KCNAB1: variants seen among roughly 807,000 people sequenced by gnomAD.
The protein encoded by KCNAB1 is potassium voltage-gated channel subfamily A regulatory beta subunit 1.
KCNAB1 carries 35 observed loss-of-function variants against 64.6 expected under a neutral mutation model. The observed-to-expected ratio is 0.54, with a 90% CI of 0.41 to 0.72. The LOEUF (loss-of-function observed/expected upper bound fraction) is 0.72, where lower values mean the gene tolerates loss of function less well. Ranked by LOEUF, KCNAB1 falls within the 30% of genes least tolerant of loss-of-function variation. The pLI is 0.00. For missense variants in KCNAB1, 401 were observed against 512.9 expected (o/e 0.78, Z 2.11); for synonymous variants, 177 against 183.8 (o/e 0.96, Z 0.30).
chr3:156,449,712 C>T, intron 2 of KCNAB1, among the ~76,000 whole-genome samples: 1 of 152,142 alleles, frequency 6.6e-6, no homozygotes, highest in Non-Finnish European at 1.5e-5. Context: ...TTTATGGTAT[C>T]TTCATTTCTG....
chr3:156,223,379 T>G (rs1403224741), intron 1 of KCNAB1, among the ~76,000 whole-genome samples: 1 of 152,222 alleles, frequency 6.6e-6, no homozygotes. Flanking sequence ...TCCTGCTGAT[T>G]GGTCCATTTT....
At chr3:156,267,455 C>T (rs1390169213) in intron 1 of KCNAB1, among the ~76,000 whole-genome samples, 1 of 152,164 alleles carries the variant, frequency 6.6e-6, no homozygotes, top group Non-Finnish European at 1.5e-5. Flanking sequence ...ACAACTTTTT[C>T]CTTCATTCTG....
chr3:156,141,981 G>A (rs1714730389), intron 1 of KCNAB1, among the ~76,000 whole-genome samples: 1 of 152,136 alleles, frequency 6.6e-6, no homozygotes, highest in Non-Finnish European at 1.5e-5. Flanking sequence ...CTCTCATTGT[G>A]GATTTCATTT....
intron 13 of KCNAB1, among the ~76,000 whole-genome samples, chr3:156,533,365 G>A (rs1405046313): frequency 6.6e-6 from 1 of 152,104 alleles, no homozygotes; most frequent in Non-Finnish European, 1.5e-5. Flanking sequence ...TGCATTCCAG[G>A]GACAGGGAAG....
chr3:156,141,406 C>T (rs949637850), intron 1 of KCNAB1, among the ~76,000 whole-genome samples: 36 of 152,276 alleles, frequency 2.4e-4, no homozygotes, highest in African/African-American at 8.7e-4. Context: ...ATCTTCTTCC[C>T]TTTTGTCTTT....
chr3:156,535,016 A>G (rs918799137), intron 13 of KCNAB1, among the ~76,000 whole-genome samples: 1 of 142,358 alleles, frequency 7.0e-6, no homozygotes, highest in Non-Finnish European at 1.6e-5. Context: ...TATTTTAGAC[A>G]AAAAAAAAAA....
Position 156,257,527 on chromosome 3 carries a change from G to T in KCNAB1, c.275+136641G>T, listed in dbSNP as rs558533973. Among the ~76,000 whole-genome samples, 5 of 152,322 alleles carry T rather than the reference G, an allele frequency of 3.3e-5. No homozygotes were observed. In the South Asian group the frequency reaches 1.0e-3, roughly 32 times the overall value. Reference sequence around the variant, plus strand: ...TGTCCAGAGCCCTACTCTGAGGACAGCTTCTACCCTACAATATCTTTACAC... The same window carrying T: ...TGTCCAGAGCCCTACTCTGAGGACATCTTCTACCCTACAATATCTTTACAC... On this transcript the variant is annotated intron_variant, in intron 1 of 13. Transcript: ENST00000490337.
intron 1 of KCNAB1, among the ~76,000 whole-genome samples, chr3:156,343,240 C>T (rs549493647): frequency 6.6e-6 from 1 of 152,182 alleles, no homozygotes; most frequent in East Asian, 1.9e-4. Context: ...CTCCTCAGTT[C>T]TTGCTGAAAT....
At chr3:156,463,645 G>C (rs370784985) in intron 5 of KCNAB1, 57 bp from the exon 6 acceptor site, 4 of 1,296,468 alleles carry the variant, frequency 3.1e-6, no homozygotes, top group South Asian at 1.3e-5. Context: ...AATATGACTC[G>C]GTACAATAAC....
intron 1 of KCNAB1, among the ~76,000 whole-genome samples, chr3:156,170,221 G>GTTT (rs527980009): frequency 7.7e-5 from 10 of 130,622 alleles, no homozygotes; most frequent in African/African-American, 2.5e-4. Context: ...CCAAGGAATC[G>GTTT]TTTTTTTTTT....
chr3:156,124,658 T>G (rs1402749680), intron 1 of KCNAB1, among the ~76,000 whole-genome samples: 2 of 152,172 alleles, frequency 1.3e-5, no homozygotes, highest in Non-Finnish European at 2.9e-5. Context: ...CTGGAAACAT[T>G]TTTCTCATTA....
intron 1 of KCNAB1, chr3:156,175,760 C>T (rs1260592985): frequency 8.8e-6 from 5 of 565,282 alleles, no homozygotes; most frequent in East Asian, 4.2e-5. Context: ...TGCCAGTAAT[C>T]GTCATCTGAA....
chr3:156,472,688 A>G (rs1351256407), intron 7 of KCNAB1, among the ~76,000 whole-genome samples: 1 of 152,204 alleles, frequency 6.6e-6, no homozygotes, highest in Non-Finnish European at 1.5e-5. Context: ...TGACCTTAGG[A>G]TCAAGTCCAT....
chr3:156,187,450 C>G (rs1322004674), intron 1 of KCNAB1, among the ~76,000 whole-genome samples: 2 of 152,188 alleles, frequency 1.3e-5, no homozygotes, highest in African/African-American at 2.4e-5. Context: ...TTCAGCATGT[C>G]TAAAACATAA....
At chr3:156,338,330 TACA>T (rs1336403612) in intron 1 of KCNAB1, among the ~76,000 whole-genome samples, 1 of 125,950 alleles carries the variant, frequency 7.9e-6, no homozygotes, top group African/African-American at 2.9e-5. Context: ...TTTTTTTTTT[TACA>T]GAGTTTAACT....
At chr3:156,221,809 C>A (rs1179938870) in intron 1 of KCNAB1, among the ~76,000 whole-genome samples, 1 of 146,652 alleles carries the variant, frequency 6.8e-6, no homozygotes, top group Non-Finnish European at 1.5e-5. Context: ...TTGTGTCCAG[C>A]AAAACTACGC....
chr3:156,144,291 A>G (rs1327851523), intron 1 of KCNAB1, among the ~76,000 whole-genome samples: 2 of 152,198 alleles, frequency 1.3e-5, no homozygotes, highest in South Asian at 4.1e-4. Context: ...ATTGTTTTTC[A>G]TGTACAAGAT....
intron 1 of KCNAB1, among the ~76,000 whole-genome samples, chr3:156,164,351 A>G (rs1716248357): frequency 6.6e-6 from 1 of 152,136 alleles, no homozygotes; most frequent in African/African-American, 2.4e-5. Context: ...AGATGTTACC[A>G]ATGAGGCCGC....
At chr3:156,181,724 G>A (rs1222825293) in intron 1 of KCNAB1, among the ~76,000 whole-genome samples, 1 of 152,162 alleles carries the variant, frequency 6.6e-6, no homozygotes, top group Admixed American at 6.5e-5. Context: ...TGTGTGTGGG[G>A]AGAAATGGAA....
Sources: allele counts gnomAD v4.1 joint callset (sites outside exome capture counted in the v4.1 genomes callset), GRCh38; gene constraint gnomAD v4.1.1; transcripts MANE v1.5; gene names NCBI Gene and HGNC (gene_info 2026-07-23, HGNC 2026-07-21).